ADGRA1: variants seen among roughly 807,000 people sequenced by gnomAD.
ADGRA1 encodes the protein G-protein coupled receptor 123.
ADGRA1 carries 12 observed loss-of-function variants against 21.3 expected under a neutral mutation model. That is an observed-to-expected ratio of 0.56 (90% CI 0.36 to 0.91). ADGRA1 has a LOEUF of 0.91. Among genes scored for constraint, ADGRA1 ranks in the 40% least tolerant of loss-of-function variants. ADGRA1 has a pLI of 0.01. For synonymous variants in ADGRA1, 385 were observed against 368.8 expected (o/e 1.04, Z -0.50); for missense variants, 790 against 805.6 (o/e 0.98, Z 0.23).
intron 5 of ADGRA1, among the ~76,000 whole-genome samples, chr10:133,112,153 C>CA (rs1285961912): frequency 6.6e-6 from 1 of 152,224 alleles, no homozygotes; most frequent in Non-Finnish European, 1.5e-5. Context: ...CTTTGCCAGC[C>CA]AAAAGGAAGA....
intron 5 of ADGRA1, among the ~76,000 whole-genome samples, chr10:133,116,012 C>T (rs1407049606): frequency 2.0e-5 from 3 of 151,902 alleles, no homozygotes; most frequent in Non-Finnish European, 4.4e-5. Flanking sequence ...CTCCCCATTC[C>T]CCTCTCCCTC....
intron 5 of ADGRA1, among the ~76,000 whole-genome samples, chr10:133,114,227 G>A (rs1041937794): frequency 4.6e-5 from 7 of 152,326 alleles, no homozygotes; most frequent in Non-Finnish European, 7.4e-5. Flanking sequence ...GGGACACACC[G>A]CCACTGATGC....
At chr10:133,093,033 C>T (rs528464504) in intron 2 of ADGRA1, 2 of 1,594,888 alleles carry the variant, frequency 1.3e-6, no homozygotes, top group East Asian at 2.2e-5. Context: ...GAGCTGCAGA[C>T]CTGGCCCCGG....
intron 2 of ADGRA1, among the ~76,000 whole-genome samples, chr10:133,090,889 G>A (rs1219821177): frequency 3.9e-5 from 6 of 152,218 alleles, no homozygotes; most frequent in East Asian, 1.9e-4. Flanking sequence ...GGGCCAGGCC[G>A]TCCTCTCAAA....
intron 5 of ADGRA1, among the ~76,000 whole-genome samples, chr10:133,103,914 C>T (rs1851845678): frequency 6.6e-6 from 1 of 152,234 alleles, no homozygotes; most frequent in Non-Finnish European, 1.5e-5. Flanking sequence ...CTGGGGCTCC[C>T]TGAATGCCTG....
intron 4 of ADGRA1, 76 bp from the exon 5 acceptor site, chr10:133,102,621 A>T (rs1314927593): frequency 6.6e-7 from 1 of 1,506,278 alleles, no homozygotes; most frequent in Admixed American, 2.0e-5. Flanking sequence ...TTGAAGTTGC[A>T]AGCCCGGGCC....
Position 133,109,672 on chromosome 10 carries a change from C to T in ADGRA1, c.401+6830C>T, listed in dbSNP as rs140093630. Among the ~76,000 whole-genome samples the T allele has an allele frequency of 5.2e-3, 785 of 152,322 alleles. 13 individuals are homozygous for T. The highest frequency in any genetic ancestry group is 3.8e-3 in the Non-Finnish European group (260 of 68,030). ...ACTGTCCCCTGACCTCTCCTCCCCT[C>T]GATGACAATGACGGGAAGGTCCCTC... On this transcript the variant is annotated intron_variant, in intron 5 of 6. Coordinates refer to ENST00000392607, the MANE Select transcript of ADGRA1 (RefSeq NM_001083909.3).
chr10:133,104,617 T>G (rs1189164066), intron 5 of ADGRA1, among the ~76,000 whole-genome samples: 1 of 152,110 alleles, frequency 6.6e-6, no homozygotes, highest in East Asian at 1.9e-4. Context: ...CCCCCTGCCC[T>G]CTGGGCCCCC....
intron 5 of ADGRA1, among the ~76,000 whole-genome samples, chr10:133,125,077 C>T (rs552851068): frequency 1.8e-4 from 27 of 152,244 alleles, no homozygotes; most frequent in Admixed American, 6.5e-4. Flanking sequence ...GCCGGGCATC[C>T]GTGTAGCCGC....
At chr10:133,100,387 C>T (rs897739331) in intron 4 of ADGRA1, among the ~76,000 whole-genome samples, 2 of 152,392 alleles carry the variant, frequency 1.3e-5, no homozygotes, top group African/African-American at 2.4e-5. Context: ...CCACCAAGTA[C>T]GCCCCACACT....
rs1371206576 is a variant in ADGRA1, at chr10:133,102,829, C to G, written c.388C>G (p.Gln130Glu). The change falls in exon 5 of 7, where the codon CAG becomes GAG. Residue 130 changes from glutamine (Q) to glutamate (E), a missense_variant. Gln to Glu is a conservative substitution (Grantham distance 29, BLOSUM62 2). Around this residue, in one of 3 missense-constraint regions of ADGRA1, gnomAD observed 382 missense variants for 415.6 expected, o/e 0.92. Coordinates refer to ENST00000392607, the MANE Select transcript of ADGRA1 (RefSeq NM_001083909.3). ...CACAGACCAGCCACCGTACCCCAGG[C>G]AGCCCCTGCTCAGGTACTGAGTGCA... is the stretch of plus-strand genomic sequence containing the variant. ...LDTDQPPYPR[Q>E]PLLRFYLVSG... 1 of 1,611,246 alleles carries G rather than the reference C, an allele frequency of 6.2e-7. No individual in the cohort carries two copies.
intron 5 of ADGRA1, among the ~76,000 whole-genome samples, chr10:133,115,414 C>T (rs1156926157): frequency 6.6e-6 from 1 of 152,228 alleles, no homozygotes; most frequent in Non-Finnish European, 1.5e-5. Context: ...CTGTGAAAGC[C>T]GGGCCCTGGA....
chr10:133,111,141 T>C, intron 5 of ADGRA1, among the ~76,000 whole-genome samples: 1 of 101,460 alleles, frequency 9.9e-6, no homozygotes. Flanking sequence ...CAGGGGTGCC[T>C]CCTCTCCTAA....
At chr10:133,093,296 C>T (rs780334811) in intron 2 of ADGRA1, 22 of 1,547,914 alleles carry the variant, frequency 1.4e-5, no homozygotes, top group Non-Finnish European at 7.0e-6. Flanking sequence ...ATAACTTGAC[C>T]GACTGCTTCC....
chr10:133,112,642 G>A lies in ADGRA1; in HGVS notation c.401+9800G>A, dbSNP rs184203732. Among the ~76,000 whole-genome samples the A allele has an allele frequency of 5.5e-3, 748 of 134,778 alleles. 6 individuals are homozygous for A. The highest frequency in any genetic ancestry group is 0.022 in the African/African-American group (706 of 32,446). The allele number at this position is 134,778 out of a possible 152,430, so 88.4% of individuals were successfully genotyped here. On this transcript the variant is annotated intron_variant, in intron 5 of 6. Transcript: ENST00000392607. ...GTCGGTTATTTGGGGTCTACGGGCC[G>A]CGTCCGTTATTTGGGGTCTGTGGGC...
intron 2 of ADGRA1, chr10:133,095,773 C>G (rs369441549): frequency 6.3e-7 from 1 of 1,598,488 alleles, no homozygotes. Context: ...GCCTGCATCC[C>G]GACACAGGTG....
At chr10:133,098,586 G>A (rs886953147) in intron 3 of ADGRA1, 54 bp from the exon 4 acceptor site, 23 of 1,564,606 alleles carry the variant, frequency 1.5e-5, no homozygotes, top group South Asian at 2.3e-5. Context: ...TCCCTTCCAC[G>A]CCTCCCCCTG....
intron 3 of ADGRA1, among the ~76,000 whole-genome samples, chr10:133,097,656 C>A (rs1193247697): frequency 2.0e-5 from 3 of 152,208 alleles, no homozygotes; most frequent in Non-Finnish European, 2.9e-5. Flanking sequence ...CAGGAAGAGG[C>A]TTGGGCGGTT....
At chr10:133,105,727 A>G (rs1029839840) in intron 5 of ADGRA1, among the ~76,000 whole-genome samples, 1 of 151,872 alleles carries the variant, frequency 6.6e-6, no homozygotes, top group African/African-American at 2.4e-5. Flanking sequence ...AAGACCCCCA[A>G]CTCTGCAGGG....
Sources: gnomAD v4.1 joint callset for allele counts (sites outside exome capture counted in the v4.1 genomes callset) on GRCh38, gnomAD v4.1.1 for gene constraint, gnomAD v4.1.1 regional missense constraint, MANE v1.5 for transcripts, NCBI Gene and HGNC (gene_info 2026-07-23, HGNC 2026-07-21) for gene names.